Variants in RANBP2 observed in about 807,000 individuals in gnomAD.
RANBP2 encodes RAN binding protein 2, also known as E3 SUMO-protein ligase RanBP2.
RANBP2 carries 57 observed loss-of-function variants against 303.6 expected under a neutral mutation model. That is an observed-to-expected ratio of 0.19 (90% CI 0.15 to 0.23). The LOEUF (loss-of-function observed/expected upper bound fraction) is 0.23, where lower values mean the gene tolerates loss of function less well. RANBP2 is among the 10% of genes least tolerant of loss of function. The pLI is 1.00. For missense variants in RANBP2, 3,138 were observed against 3,780.8 expected, an observed-to-expected ratio of 0.83 and a Z score of 4.46; for synonymous variants, 1,167 against 1,301.5, an observed-to-expected ratio of 0.90 and a Z score of 2.23.
chr2:109,247,746 AC>A, the RANBP2 span, among the ~76,000 whole-genome samples: 7 of 152,072 alleles, frequency 4.6e-5, no homozygotes, highest in African/African-American at 1.7e-4. Flanking sequence ...TATAACAGAA[AC>A]CCAAAACTTA....
At chr2:108,733,482 A>G (rs2149118622) in intron 4 of RANBP2, among the ~76,000 whole-genome samples, 1 of 152,236 alleles carries the variant, frequency 6.6e-6, no homozygotes, top group East Asian at 1.9e-4. Flanking sequence ...GGTTTTGGCT[A>G]TTGTTCAGCT....
At chr2:109,163,942 G>A in the RANBP2 span, among the ~76,000 whole-genome samples, 1 of 152,168 alleles carries the variant, frequency 6.6e-6, no homozygotes, top group African/African-American at 2.4e-5. Flanking sequence ...TCAGTTTTGT[G>A]ATCTGGATAT....
chr2:109,086,374 A>C, the RANBP2 span, among the ~76,000 whole-genome samples: 1 of 152,312 alleles, frequency 6.6e-6, no homozygotes, highest in African/African-American at 2.4e-5. Context: ...ATTGCCATGC[A>C]CCAAATGCTG....
At chr2:109,654,621 A>G in the RANBP2 span, among the ~76,000 whole-genome samples, 2 of 152,112 alleles carry the variant, frequency 1.3e-5, no homozygotes, top group East Asian at 3.9e-4. Flanking sequence ...TGACAATTTA[A>G]GTCATTGTGA....
At chr2:109,141,881 T>C in the RANBP2 span, among the ~76,000 whole-genome samples, 2 of 152,114 alleles carry the variant, frequency 1.3e-5, no homozygotes, top group Non-Finnish European at 2.9e-5. Context: ...GCCAGTCTGC[T>C]GTCGGCTGCC....
the RANBP2 span, among the ~76,000 whole-genome samples, chr2:109,151,834 G>A: frequency 6.6e-6 from 1 of 152,248 alleles, no homozygotes; most frequent in Non-Finnish European, 1.5e-5. Flanking sequence ...TGGTTTATAG[G>A]CAACAATATG....
the RANBP2 span, among the ~76,000 whole-genome samples, chr2:109,644,361 T>A: frequency 6.6e-6 from 1 of 152,116 alleles, no homozygotes; most frequent in Non-Finnish European, 1.5e-5. Context: ...GAATTTCTCT[T>A]TCACTATTGC....
chr2:108,719,869 C>A (rs1694077947), intron 1 of RANBP2, among the ~76,000 whole-genome samples, 191 bp downstream of exon 1: 1 of 152,194 alleles, frequency 6.6e-6, no homozygotes, highest in African/African-American at 2.4e-5. Context: ...CAGCGGTGGG[C>A]GGGAGACCTT....
At chr2:109,452,776 AGGAGGCTGGTCCCTG>A in the RANBP2 span, among the ~76,000 whole-genome samples, 1 of 145,804 alleles carries the variant, frequency 6.9e-6, no homozygotes, top group Admixed American at 6.7e-5. Context: ...GGCTGGTCCC[AGGAGGCTGGTCCCTG>A]GGAGGCTGGT....
At chr2:109,298,833 G>T in the RANBP2 span, among the ~76,000 whole-genome samples, 1 of 152,148 alleles carries the variant, frequency 6.6e-6, no homozygotes, top group Non-Finnish European at 1.5e-5. Context: ...TCCTGTTTCT[G>T]CCCTTGCCCT....
chr2:109,102,689 G>T, the RANBP2 span, among the ~76,000 whole-genome samples: 1 of 152,162 alleles, frequency 6.6e-6, no homozygotes, highest in Middle Eastern at 3.4e-3. Flanking sequence ...CAGAGCCTTG[G>T]GGGAGAGGGA....
the RANBP2 span, among the ~76,000 whole-genome samples, chr2:109,120,023 T>C: frequency 6.6e-6 from 1 of 152,248 alleles, no homozygotes; most frequent in Admixed American, 6.5e-5. Context: ...CTGATCAGAT[T>C]AAGAGAAGTC....
At chr2:108,944,612 G>A in the RANBP2 span, among the ~76,000 whole-genome samples, 1 of 151,952 alleles carries the variant, frequency 6.6e-6, no homozygotes, top group Non-Finnish European at 1.5e-5. Context: ...CAGACCTTAC[G>A]AAGCCCTGCT....
chr2:108,805,983 G>C, the RANBP2 span, among the ~76,000 whole-genome samples: 1 of 148,568 alleles, frequency 6.7e-6, no homozygotes, highest in Non-Finnish European at 1.5e-5. Context: ...GAATCTGTAT[G>C]GATTATGTAA....
the RANBP2 span, among the ~76,000 whole-genome samples, chr2:109,652,550 G>A: frequency 6.6e-6 from 1 of 152,148 alleles, no homozygotes; most frequent in Admixed American, 6.5e-5. Flanking sequence ...GAAACTTCAC[G>A]CTGACCAAGG....
At chr2:108,798,181 T>G in the RANBP2 span, among the ~76,000 whole-genome samples, 11 of 152,198 alleles carry the variant, frequency 7.2e-5, no homozygotes, top group African/African-American at 2.7e-4. Flanking sequence ...TGATCCATTT[T>G]GGACCCTAAA....
At chr2:109,718,283 C>A in the RANBP2 span, among the ~76,000 whole-genome samples, 1 of 152,166 alleles carries the variant, frequency 6.6e-6, no homozygotes, top group African/African-American at 2.4e-5. Flanking sequence ...TTTATAGTAG[C>A]ATTTTCCATA....
In RANBP2 at chr2:108,735,690, C is replaced by T. The variant is rs767227985; in HGVS notation, c.564C>T (p.Cys188=). The T allele has an allele frequency of 3.8e-6, 6 of 1,597,440 alleles. No homozygotes were observed. The African/African-American group carries it at 4.0e-5, about 11-fold the overall frequency. Residue 188 remains cysteine, a synonymous_variant, in exon 5 of 29, where the codon TGC becomes TGT. Transcript: ENST00000283195. The part of the protein sequence containing the change: ...TKRLKDAVAH[C]HEAERNIALR... ...GATTGAAGGATGCTGTGGCCCACTG[C>T]CATGAGGCAGAGAGGAACATAGCTT...
In RANBP2 at chr2:108,719,668, C is replaced by T; in HGVS notation, c.62C>T (p.Ser21Leu). Residue 21 changes from serine (S) to leucine (L), a missense_variant, in exon 1 of 29, where the codon TCG (serine) becomes TTG (leucine). Around this residue, in one of 20 missense-constraint regions of RANBP2, gnomAD observed 306 missense variants for 381.9 expected, o/e 0.80. Transcript: ENST00000283195. ...YIASVQGSTPSPRQKSMKGFY... is the reference protein window; with the variant it reads ...YIASVQGSTPLPRQKSMKGFY... ...GCCTCGGTGCAGGGCTCCACCCCGT[C>T]GCCTCGACAGGTGAGTGGGTCTCGA... is the stretch of plus-strand genomic sequence containing the variant. 6.2e-7 allele frequency: 1 copy of T among 1,605,588 alleles called. No individual in the cohort carries two copies. The highest frequency in any genetic ancestry group is 8.5e-7 in the Non-Finnish European group (1 of 1,177,228).
Sources: gnomAD v4.1 joint callset for allele counts (sites outside exome capture counted in the v4.1 genomes callset) on GRCh38, gnomAD v4.1.1 for gene constraint, gnomAD v4.1.1 regional missense constraint, MANE v1.5 for transcripts, NCBI Gene and HGNC (gene_info 2026-07-23, HGNC 2026-07-21) for gene names.